GRXCR1: variants seen among roughly 807,000 people sequenced by gnomAD.
The protein encoded by GRXCR1 is glutaredoxin domain-containing cysteine-rich protein 1.
Under a neutral mutation model 27.3 loss-of-function variants are expected in GRXCR1, and 27 were observed. That is an observed-to-expected ratio of 0.99 (90% CI 0.73 to 1.37). GRXCR1 has a LOEUF of 1.37. Among genes scored for constraint, GRXCR1 ranks in the 40% most tolerant of loss-of-function variants. The probability of loss-of-function intolerance (pLI) is 0.00; values close to 1 mark genes in which losing one functional copy is unlikely to be tolerated. For missense variants in GRXCR1, 379 were observed against 354.4 expected, an observed-to-expected ratio of 1.07 and a Z score of -0.56; for synonymous variants, 122 against 131.1, an observed-to-expected ratio of 0.93 and a Z score of 0.47.
At chr4:43,005,247 C>T (rs1712518443) in intron 2 of GRXCR1, among the ~76,000 whole-genome samples, 1 of 152,144 alleles carries the variant, frequency 6.6e-6, no homozygotes, top group South Asian at 2.1e-4. Flanking sequence ...GTCATGCTTC[C>T]TGTTAATCTT....
intron 2 of GRXCR1, among the ~76,000 whole-genome samples, chr4:42,994,582 A>G (rs929167252): frequency 1.3e-5 from 2 of 152,182 alleles, no homozygotes; most frequent in African/African-American, 4.8e-5. Flanking sequence ...TTCTGTCATA[A>G]TTTAGTGAAA....
At chr4:42,928,013 C>T (rs113992294) in intron 1 of GRXCR1, among the ~76,000 whole-genome samples, 1 of 151,970 alleles carries the variant, frequency 6.6e-6, no homozygotes, top group African/African-American at 2.4e-5. Flanking sequence ...ATAGAACACT[C>T]TTCAGAGGGG....
chr4:43,012,184 C>A (rs1380243176), intron 2 of GRXCR1, among the ~76,000 whole-genome samples: 1 of 152,146 alleles, frequency 6.6e-6, no homozygotes, highest in Non-Finnish European at 1.5e-5. Flanking sequence ...CTTTAGAGAG[C>A]CTAGCTAGCA....
At chr4:42,941,904 A>T (rs1450935) in intron 1 of GRXCR1, among the ~76,000 whole-genome samples, 151,738 of 151,992 alleles carry the variant, frequency 1, 75,742 homozygotes, top group Middle Eastern at 1. Flanking sequence ...TTCCCTCTTT[A>T]AAAAAAATAA....
chr4:42,924,823 A>T (rs948048262), intron 1 of GRXCR1, among the ~76,000 whole-genome samples: 1 of 152,064 alleles, frequency 6.6e-6, no homozygotes, highest in South Asian at 2.1e-4. Context: ...AGAATGCAGG[A>T]TGGGGGTAAC....
chr4:42,892,875 A>G lies in GRXCR1; in HGVS notation c.-392A>G, dbSNP rs1259273838. ...GGTTTGGACAATGAATAGTAGAGAC[A>G]TGTCCACTGCTCAGGTCCTTTTCAA... is the stretch of plus-strand genomic sequence containing the variant. On this transcript the variant is annotated 5_prime_UTR_variant, in exon 1 of 4. It removes an upstream start codon present in the reference 5' UTR. Transcript: ENST00000399770. 6.6e-6 allele frequency among the ~76,000 whole-genome samples: 1 copy of G among 152,150 alleles called. No homozygotes were observed. Among genetic ancestry groups the G allele is most frequent in the Non-Finnish European group, 1.5e-5 (1 of 68,030 alleles).
At chr4:42,969,220 A>G (rs1748323021) in intron 2 of GRXCR1, among the ~76,000 whole-genome samples, 1 of 152,198 alleles carries the variant, frequency 6.6e-6, no homozygotes, top group South Asian at 2.1e-4. Flanking sequence ...GTTTTAAACC[A>G]TGTGAAAGTA....
At chr4:42,908,146 G>A (rs1746638939) in intron 1 of GRXCR1, among the ~76,000 whole-genome samples, 1 of 152,216 alleles carries the variant, frequency 6.6e-6, no homozygotes, top group Admixed American at 6.5e-5. Flanking sequence ...CAGGGCCAGT[G>A]TTCCTTCCTG....
intron 2 of GRXCR1, among the ~76,000 whole-genome samples, chr4:42,987,251 A>ATTATATAT (rs1553943946): frequency 6.1e-5 from 5 of 81,780 alleles, no homozygotes; most frequent in African/African-American, 2.5e-4. Flanking sequence ...AATATATAAT[A>ATTATATAT]TATATATATA....
intron 2 of GRXCR1, among the ~76,000 whole-genome samples, chr4:43,013,112 C>T (rs544520700): frequency 1.3e-5 from 2 of 152,232 alleles, no homozygotes; most frequent in Non-Finnish European, 2.9e-5. Flanking sequence ...GGAGAGTTCT[C>T]AAAGAATTTA....
At chr4:42,898,958 A>G (rs1230004423) in intron 1 of GRXCR1, among the ~76,000 whole-genome samples, 1 of 152,148 alleles carries the variant, frequency 6.6e-6, no homozygotes, top group Non-Finnish European at 1.5e-5. Context: ...AAAGCAGGAA[A>G]GAAAAAGCAG....
chr4:42,915,761 C>T (rs1445883598), intron 1 of GRXCR1, among the ~76,000 whole-genome samples: 3 of 152,178 alleles, frequency 2.0e-5, no homozygotes, highest in Non-Finnish European at 4.4e-5. Flanking sequence ...CAGTCCATTG[C>T]TGTGGAGCCT....
intron 2 of GRXCR1, among the ~76,000 whole-genome samples, chr4:42,993,879 G>T (rs970233077): frequency 2.0e-5 from 3 of 152,110 alleles, no homozygotes; most frequent in Non-Finnish European, 4.4e-5. Flanking sequence ...TGTACCTGAA[G>T]AGTGGAACAG....
intron 3 of GRXCR1, among the ~76,000 whole-genome samples, chr4:43,029,285 C>T (rs1713349386): frequency 6.6e-6 from 1 of 152,104 alleles, no homozygotes; most frequent in African/African-American, 2.4e-5. Context: ...TGGAGAAAAG[C>T]TATATGTATG....
In GRXCR1 at chr4:42,971,418, T is replaced by C. The variant is rs569845120; in HGVS notation, c.627+8284T>C. Among the ~76,000 whole-genome samples the C allele has an allele frequency of 1.5e-3, 228 of 152,220 alleles. 1 individual carries two copies. Among genetic ancestry groups the C allele is most frequent in the African/African-American group, 5.3e-3 (219 of 41,548 alleles). ...AAAGAACTACCTGAGACTGGGTAAT[T>C]TGTGAAAAACAGAGGTTTAATTGAC... On this transcript the variant is annotated intron_variant, in intron 2 of 3. Coordinates refer to ENST00000399770, the MANE Select transcript of GRXCR1 (RefSeq NM_001080476.3).
intron 1 of GRXCR1, among the ~76,000 whole-genome samples, chr4:42,913,637 G>A (rs1326793430): frequency 2.0e-5 from 3 of 152,156 alleles, no homozygotes; most frequent in African/African-American, 7.2e-5. Flanking sequence ...AGCAATTCAA[G>A]CCTTCTGCAG....
chr4:43,024,346 C>A (rs1180134347), intron 3 of GRXCR1, among the ~76,000 whole-genome samples: 2 of 151,902 alleles, frequency 1.3e-5, no homozygotes, highest in Non-Finnish European at 2.9e-5. Flanking sequence ...ACTGTCTGTG[C>A]AAGGTATTGG....
At chr4:43,021,896 T>C (rs1432126886) in intron 3 of GRXCR1, among the ~76,000 whole-genome samples, 1 of 152,208 alleles carries the variant, frequency 6.6e-6, no homozygotes, top group Admixed American at 6.5e-5. Flanking sequence ...ATCAGAAGAT[T>C]TTTAGCTCCT....
intron 2 of GRXCR1, among the ~76,000 whole-genome samples, chr4:42,971,776 C>T (rs1291284254): frequency 6.6e-6 from 1 of 151,902 alleles, no homozygotes; most frequent in Non-Finnish European, 1.5e-5. Context: ...CTGTACCTTT[C>T]CAAATCTCAT....
Sources: allele counts gnomAD v4.1 joint callset (sites outside exome capture counted in the v4.1 genomes callset), GRCh38; gene constraint gnomAD v4.1.1; transcripts MANE v1.5; gene names NCBI Gene and HGNC (gene_info 2026-07-23, HGNC 2026-07-21).